GALC: variants seen among roughly 807,000 people sequenced by gnomAD.
GALC encodes galactosylceramidase.
A neutral mutation model predicts 91.8 loss-of-function variants in GALC; 77 were observed. That is an observed-to-expected ratio of 0.84 (90% confidence interval 0.70 to 1.01). The LOEUF (loss-of-function observed/expected upper bound fraction) is 1.01, where lower values mean the gene tolerates loss of function less well. GALC is among the 50% of genes least tolerant of loss of function. The pLI is 0.00. For missense variants in GALC, 882 were observed against 855.9 expected, an observed-to-expected ratio of 1.03 and a Z score of -0.38; for synonymous variants, 357 against 306.7, an observed-to-expected ratio of 1.16 and a Z score of -1.71.
intron 16 of GALC, among the ~76,000 whole-genome samples, chr14:87,935,460 T>C (rs1884531559): frequency 1.3e-5 from 2 of 151,960 alleles, no homozygotes; most frequent in African/African-American, 2.4e-5. Flanking sequence ...ACAGTAACCA[T>C]CAGTTAAAGT....
In GALC at chr14:87,947,716, A is replaced by G; in HGVS notation, c.1489+12T>C. 6.2e-7 allele frequency: 1 copy of G among 1,611,294 alleles called. No homozygotes were observed. Among genetic ancestry groups the G allele is most frequent in the Non-Finnish European group, 8.5e-7 (1 of 1,177,854 alleles). On this transcript the variant is annotated intron_variant, in intron 13 of 16. Transcript: ENST00000261304. Reference sequence around the variant, plus strand: ...ATAGAGACCAAGTTAAGTTTTAGTGAAAAATACTCACCAACATTGAAATCA... The same window carrying G: ...ATAGAGACCAAGTTAAGTTTTAGTGGAAAATACTCACCAACATTGAAATCA...
chr14:87,970,731 T>G (rs1595220709), intron 7 of GALC, among the ~76,000 whole-genome samples: 4 of 147,856 alleles, frequency 2.7e-5, no homozygotes, highest in South Asian at 2.1e-4. Context: ...TAGCCAGGCG[T>G]GGAGGTGTGT....
chr14:87,948,336 T>C (rs534231199), intron 12 of GALC, among the ~76,000 whole-genome samples: 2 of 152,146 alleles, frequency 1.3e-5, no homozygotes, highest in African/African-American at 4.8e-5. Flanking sequence ...TCCTGCTCAT[T>C]TTATGATCAA....
At chr14:87,937,328 A>G (rs1884619813) in intron 16 of GALC, among the ~76,000 whole-genome samples, 1 of 151,942 alleles carries the variant, frequency 6.6e-6, no homozygotes, top group Non-Finnish European at 1.5e-5. Flanking sequence ...ACAAAATGAG[A>G]GCTAAAAGAT....
At chr14:87,959,349 A>G (rs370571160) in intron 10 of GALC, among the ~76,000 whole-genome samples, 1 of 152,248 alleles carries the variant, frequency 6.6e-6, no homozygotes, top group Non-Finnish European at 1.5e-5. Flanking sequence ...GTGGAAAAAA[A>G]GAAATACTTA....
intron 6 of GALC, among the ~76,000 whole-genome samples, chr14:87,978,665 T>G (rs1306870933): frequency 6.6e-6 from 1 of 152,108 alleles, no homozygotes; most frequent in African/African-American, 2.4e-5. Context: ...ATAAGACAAA[T>G]GGAAATGAAC....
chr14:87,949,537 G>A lies in GALC; in HGVS notation c.1338+308C>T, dbSNP rs186632498. ...ATGAAGAACTGAAACAAGAAGTAAC[G>A]GTGGTAATGGAGAATAAGGAGTGAG... On this transcript the variant is annotated intron_variant, in intron 12 of 16. Transcript: ENST00000261304. Among the ~76,000 whole-genome samples, 109 of 152,024 alleles carry A rather than the reference G, an allele frequency of 7.2e-4. 1 individual carries two copies. The highest frequency in any genetic ancestry group is 2.3e-3 in the African/African-American group (97 of 41,512).
At chr14:87,957,284 T>A (rs1566983003) in intron 10 of GALC, among the ~76,000 whole-genome samples, 2 of 152,142 alleles carry the variant, frequency 1.3e-5, no homozygotes. Context: ...TTATTTTGGT[T>A]TTGTTGCATT....
rs1884481292 is a variant in GALC at position 87,934,385 on chromosome 14, TA to T, written c.*346del. 1 of 1,269,630 alleles carries T rather than the reference TA, an allele frequency of 7.9e-7. No homozygotes were observed. The highest frequency in any genetic ancestry group is 1.0e-6 in the Non-Finnish European group (1 of 999,636). The allele number at this position is 1,269,630 out of a possible 1,614,324, so 78.6% of individuals were successfully genotyped here. On this transcript the variant is annotated 3_prime_UTR_variant, in exon 17 of 17. Coordinates refer to ENST00000261304, the MANE Select transcript of GALC (RefSeq NM_000153.4). ...CAGTGATGATCAAGTTACTGCCATC[TA>T]CAGGACCGCTTGCAAATAAGATGAA... is the stretch of plus-strand genomic sequence containing the variant.
In GALC at chr14:87,968,549, G is replaced by A. The variant is rs17687364; in HGVS notation, c.753-59C>T. On this transcript the variant is annotated intron_variant, in intron 7 of 16. Transcript: ENST00000261304. ...AGGTCACGACGTGGCACTTATATAC[G>A]TATAGATTTGTTGAGTATATAAAAA... The A allele has an allele frequency of 0.14, 207,988 of 1,474,972 alleles. 16,060 individuals carry two copies. Among genetic ancestry groups the A allele is most frequent in the Middle Eastern group, 0.16 (940 of 5,832 alleles). The allele number at this position is 1,474,972 out of a possible 1,614,324, so 91.4% of individuals were successfully genotyped here.
Position 87,992,984 on chromosome 14 carries a change from C to CT in GALC, c.180_181insA (p.Val61SerfsTer28). On this transcript the variant is annotated frameshift_variant, in exon 1 of 17. Coordinates refer to ENST00000261304, the MANE Select transcript of GALC (RefSeq NM_000153.4). LOFTEE classifies it high-confidence loss of function. ...TTGCCGCTCACCCCGCCGCCGCTGACCGCGCCGATGCCGTCGAACTCCCGG... is the reference window on the plus strand; with the variant it reads ...TTGCCGCTCACCCCGCCGCCGCTGACTCGCGCCGATGCCGTCGAACTCCCGG... 6.5e-7 allele frequency: 1 copy of CT among 1,528,002 alleles called. No individual in the cohort carries two copies. Among genetic ancestry groups the CT allele is most frequent in the Admixed American group, 1.9e-5 (1 of 51,996 alleles). The allele number at this position is 1,528,002 out of a possible 1,614,324, so 94.7% of individuals were successfully genotyped here. A position where few individuals can be genotyped will look rare whatever the true frequency, so the allele number is the denominator to read the frequency against.
intron 8 of GALC, among the ~76,000 whole-genome samples, chr14:87,967,361 A>C (rs1886099971): frequency 6.6e-6 from 1 of 152,128 alleles, no homozygotes; most frequent in Non-Finnish European, 1.5e-5. Context: ...TCAGTTTTCT[A>C]AATTCTCTGC....
chr14:87,988,168 T>C lies in GALC; in HGVS notation c.304A>G (p.Ile102Val), dbSNP rs768874101. The C allele has an allele frequency of 1.4e-5, 22 of 1,613,646 alleles. No homozygotes were observed. Among genetic ancestry groups the C allele is most frequent in the Non-Finnish European group, 1.8e-5 (21 of 1,179,848 alleles). ...CCTGTTGTCTGCCCATCACCACCTATTTCCACTTTTAAAATATGCAAAGAG... is the reference window on the plus strand; with the variant it reads ...CCTGTTGTCTGCCCATCACCACCTACTTCCACTTTTAAAATATGCAAAGAG... ...GASLHILKVE[I>V]GGDGQTTDGT... The change falls in exon 3 of 17, where the codon ATA becomes GTA. Residue 102 changes from isoleucine to valine, a missense_variant. Coordinates refer to ENST00000261304, the MANE Select transcript of GALC (RefSeq NM_000153.4).
rs149957034 is a variant in GALC at position 87,936,464 on chromosome 14, A to C, written c.1912-1586T>G. 7.9e-3 allele frequency among the ~76,000 whole-genome samples: 1,198 copies of C among 151,388 alleles called. 39 individuals carry two copies. Among genetic ancestry groups the C allele is most frequent in the Admixed American group, 0.052 (783 of 15,172 alleles). On this transcript the variant is annotated intron_variant, in intron 16 of 16. Transcript: ENST00000261304. ...TCTATTGTCTATGGCTTTTTTACTC[A>C]TTACAATAGCCGAACTGGGTAGCCA... is the stretch of plus-strand genomic sequence containing the variant.
rs545087336 is a variant in GALC at position 87,985,976 on chromosome 14, TAAAC to T, written c.442+509_442+512del. Among the ~76,000 whole-genome samples, 430 of 152,256 alleles carry T rather than the reference TAAAC, an allele frequency of 2.8e-3. 3 individuals are homozygous for T. Among genetic ancestry groups the T allele is most frequent in the African/African-American group, 9.8e-3 (408 of 41,554 alleles). ...TTATTGAAGTTCAAAAACTAACTAA[TAAAC>T]AAAAAACACTTTTGTATGTACCTTT... is the stretch of plus-strand genomic sequence containing the variant. On this transcript the variant is annotated intron_variant, in intron 4 of 16. Transcript: ENST00000261304.
At chr14:87,956,029 C>G (rs1885525045) in intron 10 of GALC, among the ~76,000 whole-genome samples, 1 of 151,338 alleles carries the variant, frequency 6.6e-6, no homozygotes, top group Non-Finnish European at 1.5e-5. Context: ...AACTAAAACA[C>G]TAACTTCAAA....
At chr14:87,980,734 T>C (rs924786996) in intron 6 of GALC, 1 of 152,552 alleles carries the variant, frequency 6.6e-6, no homozygotes, top group African/African-American at 2.4e-5. Context: ...ATTGTCTATA[T>C]CTGACTTTAT....
chr14:87,969,781 A>G (rs888649976), intron 7 of GALC, among the ~76,000 whole-genome samples: 1 of 152,138 alleles, frequency 6.6e-6, no homozygotes. Flanking sequence ...CTATTTGGTA[A>G]TTCTTTATAC....
chr14:87,933,914 G>C lies in GALC; in HGVS notation c.*818C>G. 1.5e-6 allele frequency: 2 copies of C among 1,343,418 alleles called. No individual in the cohort carries two copies. Among genetic ancestry groups the C allele is most frequent in the Non-Finnish European group, 2.1e-6 (2 of 971,606 alleles). The allele number at this position is 1,343,418 out of a possible 1,614,324, so 83.2% of individuals were successfully genotyped here. On this transcript the variant is annotated 3_prime_UTR_variant, in exon 17 of 17. Transcript: ENST00000261304. The stretch of plus-strand genomic sequence containing the variant: ...AGTCTGTTACCAGTGCACATGTGAG[G>C]ACAGACCACAGCACAGTGAGATGAG...
Sources: allele counts gnomAD v4.1 joint callset (sites outside exome capture counted in the v4.1 genomes callset), GRCh38; gene constraint gnomAD v4.1.1; transcripts MANE v1.5; gene names NCBI Gene and HGNC (gene_info 2026-07-23, HGNC 2026-07-21).